Variants in KCTD17 observed in about 807,000 individuals in gnomAD.
KCTD17 encodes the protein BTB/POZ domain-containing protein KCTD17.
Under a neutral mutation model 41.5 loss-of-function variants are expected in KCTD17, and 20 were observed. The ratio of observed to expected loss-of-function variants is 0.48; its 90% CI spans 0.34 to 0.70. KCTD17 has a LOEUF of 0.70. KCTD17 is among the 30% of genes least tolerant of loss of function. The probability of loss-of-function intolerance (pLI) is 0.01; values close to 1 mark genes in which losing one functional copy is unlikely to be tolerated. For missense variants in KCTD17, 317 were observed against 427.2 expected, an observed-to-expected ratio of 0.74 and a Z score of 2.27; for synonymous variants, 156 against 173.8, an observed-to-expected ratio of 0.90 and a Z score of 0.80.
rs933012971 is a variant in KCTD17, at chr22:37,062,717, G to A, written c.*123G>A. The A allele has an allele frequency of 4.3e-5, 65 of 1,507,714 alleles. 1 individual carries two copies. The highest frequency in any genetic ancestry group is 1.3e-4 in the Admixed American group (6 of 46,608). 93.4% of individuals were successfully genotyped at this position (1,507,714 alleles called of 1,614,324 possible). On this transcript the variant is annotated 3_prime_UTR_variant, in exon 9 of 9. Coordinates refer to ENST00000403888, the MANE Select transcript of KCTD17 (RefSeq NM_001282684.2). ...TTACTCCTGCCTCCAGGGGCGGGGC[G>A]GGGCCCCCCTGGGACCTCTTAAGGC...
intron 3 of KCTD17, 173 bp from the exon 4 acceptor site, chr22:37,057,225 C>A (rs1925232437): frequency 1.5e-6 from 1 of 676,478 alleles, no homozygotes; most frequent in Admixed American, 2.1e-5. Flanking sequence ...TGGTAAATGC[C>A]TGGTGAGGAG....
chr22:37,059,467 G>A (rs1008318802), intron 5 of KCTD17, 29 bp downstream of exon 5: 17 of 1,590,766 alleles, frequency 1.1e-5, no homozygotes, highest in African/African-American at 6.7e-5. Flanking sequence ...GCCTGTGTCC[G>A]GAGAAGTCTC....
rs367788732 is a variant in KCTD17 at position 37,053,221 on chromosome 22, A to G, written c.298+13A>G. On this transcript the variant is annotated intron_variant, in intron 2 of 8. Transcript: ENST00000403888. This position sits in a 1 kb window ranked among gnomAD's most constrained non-coding sequence, Gnocchi z 4.1. ...ATGGCTGAGGAGGGTGAGTTGGTCC[A>G]GGGGGCTGGCCTGGACCTTATGCAG... 6.1e-5 allele frequency: 96 copies of G among 1,579,740 alleles called. No homozygotes were observed. The highest frequency in any genetic ancestry group is 7.7e-5 in the Non-Finnish European group (89 of 1,161,242).
At chr22:37,059,555 T>G (rs1925536882) in intron 5 of KCTD17, 117 bp downstream of exon 5, 1 of 1,225,884 alleles carries the variant, frequency 8.2e-7, no homozygotes, top group Non-Finnish European at 1.1e-6. Context: ...CCACCGCCCA[T>G]GCACAACCCC....
intron 1 of KCTD17, 146 bp downstream of exon 1, chr22:37,052,095 AG>A: frequency 2.6e-6 from 1 of 384,222 alleles, no homozygotes; most frequent in Non-Finnish European, 3.9e-6. Flanking sequence ...CGGCAGGAGG[AG>A]GGGAGGGGGA....
At chr22:37,059,752 C>G (rs1453783991) in intron 5 of KCTD17, among the ~76,000 whole-genome samples, 1 of 152,218 alleles carries the variant, frequency 6.6e-6, no homozygotes, top group African/African-American at 2.4e-5. Flanking sequence ...GTGGCACTCT[C>G]TGTGTGACTT....
At position 37,059,296 on chromosome 22, in the gene KCTD17, A is replaced by G. The variant is rs754015064; in HGVS notation, c.487-17A>G. 3.1e-6 allele frequency: 5 copies of G among 1,610,908 alleles called. No homozygotes were observed. Among genetic ancestry groups the G allele is most frequent in the East Asian group, 4.5e-5 (2 of 44,878 alleles). On this transcript the variant is annotated splice_polypyrimidine_tract_variant and intron_variant, in intron 4 of 8. Coordinates refer to ENST00000403888, the MANE Select transcript of KCTD17 (RefSeq NM_001282684.2). ...AACACCAACCTGCATTTTTCTCCCC[A>G]TGCTCCGCCCCTCTAGCTGGTGAAC...
At chr22:37,058,578 C>G (rs1925412464) in intron 4 of KCTD17, among the ~76,000 whole-genome samples, 2 of 152,230 alleles carry the variant, frequency 1.3e-5, no homozygotes, top group African/African-American at 4.8e-5. Context: ...CTGCTCCACC[C>G]CTTCCTAGCT....
rs1210639156 is a variant in KCTD17 at position 37,059,438 on chromosome 22, G to A, written c.612G>A (p.Lys204=). The change falls in exon 5 of 9, where the codon AAG becomes AAA. Residue 204 remains lysine (K), a splice_region_variant and synonymous_variant. Coordinates refer to ENST00000403888, the MANE Select transcript of KCTD17 (RefSeq NM_001282684.2). ...GCTCAGAGTCCAGCCGCAAAACCAA[G>A]GTGAGCCCACCCGCCTCAGCCTGTG... The part of the protein sequence containing the change: ...GLSSESSRKT[K]STEEQLEEQQ... The A allele has an allele frequency of 1.2e-6, 2 of 1,607,754 alleles. No homozygotes were observed. The highest frequency in any genetic ancestry group is 1.7e-6 in the Non-Finnish European group (2 of 1,178,162).
At position 37,061,126 on chromosome 22, in the gene KCTD17, T is replaced by C; in HGVS notation, c.735T>C (p.Ala245=). The change falls in exon 7 of 9, where the codon GCT becomes GCC. Residue 245 remains alanine, a synonymous_variant. Coordinates refer to ENST00000403888, the MANE Select transcript of KCTD17 (RefSeq NM_001282684.2). This position sits in a 1 kb window ranked among gnomAD's most constrained non-coding sequence, Gnocchi z 6.6. ...CAGCCCAGTCATCTCAGGATCCCGC[T>C]AACCTTTTCTCCCTCCCACCACTGC... ...QEKAQSSQDP[A]NLFSLPPLPP... is the part of the protein sequence containing the mutation. The C allele has an allele frequency of 6.4e-6, 10 of 1,551,316 alleles. No homozygotes were observed. The highest frequency in any genetic ancestry group is 8.7e-6 in the Non-Finnish European group (10 of 1,146,946).
Position 37,061,776 on chromosome 22 carries a change from G to A in KCTD17, c.875+147G>A, listed in dbSNP as rs1045207091. On this transcript the variant is annotated intron_variant, in intron 8 of 8. Coordinates refer to ENST00000403888, the MANE Select transcript of KCTD17 (RefSeq NM_001282684.2). This position sits in a 1 kb window ranked among gnomAD's most constrained non-coding sequence, Gnocchi z 6.6. The stretch of plus-strand genomic sequence containing the variant: ...CTTGGCCTTGGGGGTGAGGCTCTGA[G>A]AGGAGAAGAAAGTTAGGGAGTGGGA... 4.9e-6 allele frequency: 7 copies of A among 1,435,176 alleles called. No homozygotes were observed. In the African/African-American group the frequency reaches 5.7e-5, roughly 12 times the overall value. The allele number at this position is 1,435,176 out of a possible 1,614,324, so 88.9% of individuals were successfully genotyped here. A position where few individuals can be genotyped will look rare whatever the true frequency, so the allele number is the denominator to read the frequency against.
rs1233865151 is a variant in KCTD17, at chr22:37,060,968, C to G, written c.712+46C>G. On this transcript the variant is annotated intron_variant, in intron 6 of 8. Transcript: ENST00000403888. Reference sequence around the variant, plus strand: ...GATGATTGCTAAGCAAAGCCGGAGCCTCCCGCCCACTCCTTGCTGGAGCCA... The same window carrying G: ...GATGATTGCTAAGCAAAGCCGGAGCGTCCCGCCCACTCCTTGCTGGAGCCA... 2.0e-6 allele frequency: 3 copies of G among 1,538,246 alleles called. No individual in the cohort carries two copies. The East Asian group carries it at 7.4e-5, about 38-fold the overall frequency.
chr22:37,059,052 G>A (rs1342219643), intron 4 of KCTD17, among the ~76,000 whole-genome samples: 1 of 152,152 alleles, frequency 6.6e-6, no homozygotes, highest in Admixed American at 6.5e-5. Flanking sequence ...CGGTAATGCT[G>A]CCACCCTCCA....
chr22:37,062,462 C>T (rs766521424), intron 8 of KCTD17, 63 bp from the exon 9 acceptor site: 2 of 1,563,346 alleles, frequency 1.3e-6, no homozygotes, highest in African/African-American at 1.4e-5. Context: ...TGCATCACCC[C>T]CTCCTTACCG....
At chr22:37,058,242 G>A (rs145128609) in intron 4 of KCTD17, among the ~76,000 whole-genome samples, 1 of 152,348 alleles carries the variant, frequency 6.6e-6, no homozygotes, top group African/African-American at 2.4e-5. Flanking sequence ...AAGGCAGAAG[G>A]TCGGAGCCCC....
At chr22:37,057,550 A>T in intron 4 of KCTD17, 57 bp downstream of exon 4, 1 of 1,391,656 alleles carries the variant, frequency 7.2e-7, no homozygotes, top group East Asian at 2.3e-5. Context: ...CTAGCCTCTG[A>T]CCAAGCAGGC....
intron 8 of KCTD17, 157 bp from the exon 9 acceptor site, chr22:37,062,350 GCCTCAGCCCCACCCCCTC>G: frequency 1.0e-6 from 1 of 984,800 alleles, no homozygotes; most frequent in South Asian, 4.7e-5. Flanking sequence ...CCTTCTTTGG[GCCTCAGCCCCACCCCCTC>G]CTCCAGAAGG....
chr22:37,058,029 T>C (rs948434958), intron 4 of KCTD17, among the ~76,000 whole-genome samples: 2 of 152,214 alleles, frequency 1.3e-5, no homozygotes, highest in Admixed American at 1.3e-4. Context: ...TTCCTCCCAG[T>C]CCAGATGCAG....
At position 37,056,836 on chromosome 22, in the gene KCTD17, G is replaced by A. The variant is rs548206424; in HGVS notation, c.390+425G>A. ...CATCAGATGGTCGCCTGGTGGGCTC[G>A]GCACAGGCTGTTGGGGCTGGCGTTT... On this transcript the variant is annotated intron_variant, in intron 3 of 8. Transcript: ENST00000403888. Among the ~76,000 whole-genome samples, 31 of 152,208 alleles carry A rather than the reference G, an allele frequency of 2.0e-4. 1 individual carries two copies. In the South Asian group the frequency reaches 5.6e-3, roughly 28 times the overall value.
Sources: allele counts gnomAD v4.1 joint callset (sites outside exome capture counted in the v4.1 genomes callset), GRCh38; gene constraint gnomAD v4.1.1; non-coding constraint Gnocchi (gnomAD v3.1); transcripts MANE v1.5; gene names NCBI Gene and HGNC (gene_info 2026-07-23, HGNC 2026-07-21).